Variants in PHOSPHO2 observed in about 807,000 individuals in gnomAD.
PHOSPHO2 encodes the protein phosphatase, orphan 2.
PHOSPHO2 carries 14 observed loss-of-function variants against 16.4 expected under a neutral mutation model. The observed-to-expected ratio is 0.85, with a 90% CI of 0.56 to 1.33. The LOEUF (loss-of-function observed/expected upper bound fraction) is 1.33. Among genes scored for constraint, PHOSPHO2 ranks in the 40% most tolerant of loss-of-function variants. PHOSPHO2 has a pLI of 0.00. For missense variants in PHOSPHO2, 246 were observed against 282.5 expected, an observed-to-expected ratio of 0.87 and a Z score of 0.93; for synonymous variants, 85 against 90.5, an observed-to-expected ratio of 0.94 and a Z score of 0.34.
chr2:169,698,742 T>A (rs1367390445), intron 3 of PHOSPHO2, among the ~76,000 whole-genome samples: 1 of 152,190 alleles, frequency 6.6e-6, no homozygotes, highest in Non-Finnish European at 1.5e-5. Flanking sequence ...TATATTCTAA[T>A]GAAAACAGAG....
intron 3 of PHOSPHO2, among the ~76,000 whole-genome samples, chr2:169,699,861 A>G (rs1373730059): frequency 1.3e-5 from 2 of 151,978 alleles, no homozygotes; most frequent in African/African-American, 4.8e-5. Context: ...GTCTTTGCCC[A>G]CTTCTTAATG....
intron 3 of PHOSPHO2, 105 bp from the exon 4 acceptor site, chr2:169,700,841 T>A (rs995236994): frequency 1.1e-5 from 13 of 1,165,252 alleles, no homozygotes; most frequent in Non-Finnish European, 1.5e-5. Flanking sequence ...TTTGTTTATA[T>A]TCCTCCCTTT....
At position 169,701,151 on chromosome 2, in the gene PHOSPHO2, A is replaced by G. The variant is rs756209748; in HGVS notation, c.180A>G (p.Val60=). The G allele has an allele frequency of 1.9e-6, 3 of 1,614,076 alleles. No homozygotes were observed. Among genetic ancestry groups the G allele is most frequent in the Admixed American group, 1.7e-5 (1 of 60,022 alleles). ...RVFKYLGDKG[V]REHEMKRAVT... is the part of the protein sequence containing the mutation. Reference sequence around the variant, plus strand: ...TTAAGTATTTGGGAGATAAGGGTGTAAGAGAACATGAAATGAAAAGAGCAG... The same window carrying G: ...TTAAGTATTTGGGAGATAAGGGTGTGAGAGAACATGAAATGAAAAGAGCAG... The change falls in exon 4 of 4, where the codon GTA becomes GTG. Residue 60 remains valine, a synonymous_variant. Coordinates refer to ENST00000359744, the MANE Select transcript of PHOSPHO2 (RefSeq NM_001008489.4).
chr2:169,698,406 A>G (rs1687626511), intron 3 of PHOSPHO2: 1 of 152,174 alleles, frequency 6.6e-6, no homozygotes, highest in South Asian at 2.1e-4. Flanking sequence ...TCTGGAATCA[A>G]ATCAACCTAA....
In PHOSPHO2 at chr2:169,701,157, A is replaced by C. The variant is rs146969607; in HGVS notation, c.186A>C (p.Glu62Asp). 987 of 1,614,084 alleles carry C rather than the reference A, an allele frequency of 6.1e-4. 2 individuals are homozygous for C. In the Middle Eastern group the frequency reaches 9.1e-3, roughly 15 times the overall value. Residue 62 changes from glutamate to aspartate, a missense_variant, in exon 4 of 4, where the codon GAA becomes GAC. Coordinates refer to ENST00000359744, the MANE Select transcript of PHOSPHO2 (RefSeq NM_001008489.4). The part of the protein sequence containing the change: ...FKYLGDKGVR[E>D]HEMKRAVTSL... ...ATTTGGGAGATAAGGGTGTAAGAGAACATGAAATGAAAAGAGCAGTGACAT... is the reference window on the plus strand; with the variant it reads ...ATTTGGGAGATAAGGGTGTAAGAGACCATGAAATGAAAAGAGCAGTGACAT...
chr2:169,701,253 C>T lies in PHOSPHO2; in HGVS notation c.282C>T (p.Cys94=), dbSNP rs1574500676. The T allele has an allele frequency of 1.2e-6, 2 of 1,613,722 alleles. No homozygotes were observed. The change falls in exon 4 of 4, where the codon TGC becomes TGT. Residue 94 remains cysteine, a synonymous_variant. Transcript: ENST00000359744. ...FIRKNKDKFD[C]IIISDSNSVF... ...GAAAGAATAAGGATAAATTTGACTG[C>T]ATTATTATTTCAGATTCAAATTCGG...
rs1349869660 is a variant in PHOSPHO2, at chr2:169,701,090, G to A, written c.119G>A (p.Arg40Gln). ...CCTATTGAACTACGTGATTCTTATC[G>A]AAAAGGATTTTGGACAGAATTTATG... ...KLPIELRDSY[R>Q]KGFWTEFMGR... The change falls in exon 4 of 4, where the codon CGA (arginine) becomes CAA (glutamine). Residue 40 changes from arginine to glutamine, a missense_variant. By Grantham distance (43) the Arg-to-Gln change is conservative. Coordinates refer to ENST00000359744, the MANE Select transcript of PHOSPHO2 (RefSeq NM_001008489.4). 2.5e-6 allele frequency: 4 copies of A among 1,613,876 alleles called. No homozygotes were observed. Among genetic ancestry groups the A allele is most frequent in the East Asian group, 2.2e-5 (1 of 44,864 alleles).
chr2:169,700,646 T>C (rs917755717), intron 3 of PHOSPHO2, among the ~76,000 whole-genome samples: 4 of 152,062 alleles, frequency 2.6e-5, no homozygotes, highest in African/African-American at 7.2e-5. Flanking sequence ...TGATTGATAA[T>C]TTAATGATAG....
In PHOSPHO2 at chr2:169,701,703, C is replaced by G. The variant is rs760003501; in HGVS notation, c.*6C>G. ...AATTTCTAATAAAGGATTAATATGT[C>G]AGCAATTGAAAAGTGTATCACTTAA... On this transcript the variant is annotated 3_prime_UTR_variant, in exon 4 of 4. Transcript: ENST00000359744. 2 of 1,500,036 alleles carry G rather than the reference C, an allele frequency of 1.3e-6. No individual in the cohort carries two copies. Among genetic ancestry groups the G allele is most frequent in the Non-Finnish European group, 1.8e-6 (2 of 1,119,698 alleles). 92.9% of individuals were successfully genotyped at this position (1,500,036 alleles called of 1,614,324 possible).
chr2:169,698,520 A>T (rs1379159235), intron 3 of PHOSPHO2, among the ~76,000 whole-genome samples: 4 of 152,214 alleles, frequency 2.6e-5, no homozygotes. Context: ...GGGTTGTGAC[A>T]ATTAAATGGT....
intron 1 of PHOSPHO2, among the ~76,000 whole-genome samples, 179 bp from the exon 2 acceptor site, chr2:169,695,036 T>C (rs1687462837): frequency 6.6e-6 from 1 of 152,240 alleles, no homozygotes; most frequent in Non-Finnish European, 1.5e-5. Context: ...TAGGAGTAGC[T>C]GCGCGTTTGG....
intron 2 of PHOSPHO2, among the ~76,000 whole-genome samples, chr2:169,697,055 G>T (rs1687566735): frequency 6.8e-6 from 1 of 147,420 alleles, no homozygotes; most frequent in Non-Finnish European, 1.5e-5. Flanking sequence ...TCGCTCTGTT[G>T]CCCAGGCTAG....
At chr2:169,699,923 A>G (rs1409165801) in intron 3 of PHOSPHO2, among the ~76,000 whole-genome samples, 1 of 152,178 alleles carries the variant, frequency 6.6e-6, no homozygotes, top group Non-Finnish European at 1.5e-5. Flanking sequence ...TCAAGGAACT[A>G]CATGATTCTT....
intron 1 of PHOSPHO2, 82 bp downstream of exon 1, chr2:169,694,704 A>G (rs998549475): frequency 5.7e-6 from 2 of 351,088 alleles, no homozygotes; most frequent in South Asian, 2.7e-5. Flanking sequence ...ACGACCCCCG[A>G]TTGGGTCCGA....
intron 3 of PHOSPHO2, chr2:169,698,355 C>A (rs1408403930): frequency 2.6e-5 from 4 of 152,048 alleles, no homozygotes; most frequent in Non-Finnish European, 5.9e-5. Context: ...ATTAAATATT[C>A]TATTTTTTAA....
At position 169,701,492 on chromosome 2, in the gene PHOSPHO2, T is replaced by C. The variant is rs1334414888; in HGVS notation, c.521T>C (p.Ile174Thr). The C allele has an allele frequency of 6.2e-7, 1 of 1,612,748 alleles. No individual in the cohort carries two copies. The highest frequency in any genetic ancestry group is 8.5e-7 in the Non-Finnish European group (1 of 1,179,688). Residue 174 changes from isoleucine to threonine, a missense_variant, in exon 4 of 4, where the codon ATT becomes ACT. Physicochemically the swap from Ile to Thr is moderately conservative, Grantham distance 89. Coordinates refer to ENST00000359744, the MANE Select transcript of PHOSPHO2 (RefSeq NM_001008489.4). Reference sequence around the variant, plus strand: ...CAACAGGGAGTGAATTATACACAAATTGTTTATATTGGTGATGGTGGAAAT... The same window carrying C: ...CAACAGGGAGTGAATTATACACAAACTGTTTATATTGGTGATGGTGGAAAT... ...QLQQGVNYTQIVYIGDGGNDV... is the reference protein window; with the variant it reads ...QLQQGVNYTQTVYIGDGGNDV...
chr2:169,701,066 C>T lies in PHOSPHO2; in HGVS notation c.95C>T (p.Pro32Leu), dbSNP rs143009512. 1.6e-4 allele frequency: 252 copies of T among 1,613,892 alleles called. No individual in the cohort carries two copies. In the African/African-American group the frequency reaches 2.6e-3, roughly 17 times the overall value. The change falls in exon 4 of 4, where the codon CCT becomes CTT. Residue 32 changes from proline to leucine, a missense_variant. By Grantham distance (98) the Pro-to-Leu change is moderately conservative. Coordinates refer to ENST00000359744, the MANE Select transcript of PHOSPHO2 (RefSeq NM_001008489.4). ...CAATGTGCTCCCAACAAAAAGCTTC[C>T]TATTGAACTACGTGATTCTTATCGA... ...IVQCAPNKKL[P>L]IELRDSYRKG...
Position 169,701,691 on chromosome 2 carries a change from G to T in PHOSPHO2, c.720G>T (p.Lys240Asn). 6.6e-7 allele frequency: 1 copy of T among 1,521,698 alleles called. No homozygotes were observed. Among genetic ancestry groups the T allele is most frequent in the Non-Finnish European group, 8.8e-7 (1 of 1,133,708 alleles). The allele number at this position is 1,521,698 out of a possible 1,614,324, so 94.3% of individuals were successfully genotyped here. A position where few individuals can be genotyped will look rare whatever the true frequency, so the allele number is the denominator to read the frequency against. Residue 240 changes from lysine to asparagine, a missense_variant, in exon 4 of 4, where the codon AAG becomes AAT. Transcript: ENST00000359744. ...TTTCTCATTTACAATTTCTAATAAA[G>T]GATTAATATGTCAGCAATTGAAAAG... ...DIISHLQFLI[K>N]D
In PHOSPHO2 at chr2:169,701,591, CTCTT is replaced by C. The variant is rs1558932319; in HGVS notation, c.623_626del (p.Leu208ProfsTer15). The C allele has an allele frequency of 5.6e-6, 9 of 1,610,364 alleles. No individual in the cohort carries two copies. Among genetic ancestry groups the C allele is most frequent in the Admixed American group, 1.7e-5 (1 of 59,994 alleles). On this transcript the variant is annotated frameshift_variant, in exon 4 of 4. Transcript: ENST00000359744. LOFTEE classifies it high-confidence loss of function. ...CGGAAAGGATATACCTTACAGAAAACTCTTTCCAGAATGTCTCAAAATCTTGAGC... is the reference window on the plus strand; with the variant it reads ...CGGAAAGGATATACCTTACAGAAAACTCCAGAATGTCTCAAAATCTTGAGC...
Sources: gnomAD v4.1 joint callset for allele counts (sites outside exome capture counted in the v4.1 genomes callset) on GRCh38, gnomAD v4.1.1 for gene constraint, MANE v1.5 for transcripts, NCBI Gene and HGNC (gene_info 2026-07-23, HGNC 2026-07-21) for gene names.